DYM: variants seen among roughly 807,000 people sequenced by gnomAD.
DYM encodes dymeclin.
DYM carries 78 observed loss-of-function variants against 93.1 expected under a neutral mutation model. The observed-to-expected ratio is 0.84, with a 90% CI of 0.70 to 1.01. The LOEUF (loss-of-function observed/expected upper bound fraction) is 1.01. Among genes scored for constraint, DYM ranks in the 50% least tolerant of loss-of-function variants. The probability of loss-of-function intolerance (pLI) is 0.00; values close to 1 mark genes in which losing one functional copy is unlikely to be tolerated. For synonymous variants in DYM, 321 were observed against 319.7 expected (o/e 1.00, Z -0.04); for missense variants, 789 against 845.0 (o/e 0.93, Z 0.82).
At chr18:49,314,027 G>T (rs923415622) in intron 8 of DYM, among the ~76,000 whole-genome samples, 1 of 152,270 alleles carries the variant, frequency 6.6e-6, no homozygotes. Flanking sequence ...GGAGGCCAAG[G>T]CATGCAGATC....
chr18:49,237,380 A>G (rs1309303920), intron 13 of DYM, among the ~76,000 whole-genome samples: 2 of 152,102 alleles, frequency 1.3e-5, no homozygotes, highest in African/African-American at 4.8e-5. Flanking sequence ...TTCAACATAG[A>G]TTATATTATG....
intron 13 of DYM, among the ~76,000 whole-genome samples, chr18:49,251,558 C>T (rs1443135109): frequency 6.6e-6 from 1 of 152,126 alleles, no homozygotes; most frequent in African/African-American, 2.4e-5. Context: ...ATGAGATACC[C>T]AGGTGGTGAA....
At chr18:49,134,229 A>G (rs2083631225) in intron 15 of DYM, among the ~76,000 whole-genome samples, 1 of 152,216 alleles carries the variant, frequency 6.6e-6, no homozygotes, top group African/African-American at 2.4e-5. Context: ...AAAAAAACCA[A>G]TTAGCCCCAA....
At chr18:49,178,435 C>T (rs991554859) in intron 14 of DYM, among the ~76,000 whole-genome samples, 3 of 152,094 alleles carry the variant, frequency 2.0e-5, no homozygotes, top group South Asian at 2.1e-4. Context: ...CTTCAAACTC[C>T]TAAAAGTCTG....
intron 2 of DYM, among the ~76,000 whole-genome samples, chr18:49,429,158 T>C (rs2074578482): frequency 1.3e-5 from 2 of 152,216 alleles, no homozygotes; most frequent in African/African-American, 2.4e-5. Flanking sequence ...CCTCCTCACA[T>C]CACATCTGAC....
chr18:49,146,575 T>C (rs2144612076), intron 15 of DYM, among the ~76,000 whole-genome samples: 1 of 152,296 alleles, frequency 6.6e-6, no homozygotes, highest in Non-Finnish European at 1.5e-5. Context: ...AGCCAAATCA[T>C]GAGTGAACTC....
intron 6 of DYM, among the ~76,000 whole-genome samples, chr18:49,344,158 G>A (rs1420209609): frequency 6.6e-6 from 1 of 152,090 alleles, no homozygotes; most frequent in African/African-American, 2.4e-5. Flanking sequence ...CCAAATTTGG[G>A]TTCTACATAT....
chr18:49,195,915 T>TC (rs1568578947), intron 14 of DYM, among the ~76,000 whole-genome samples: 2 of 106,922 alleles, frequency 1.9e-5, no homozygotes, highest in African/African-American at 3.7e-5. Context: ...AATGCTACCA[T>TC]CTTTTTTTTT....
intron 15 of DYM, among the ~76,000 whole-genome samples, chr18:49,140,950 T>C (rs1474721940): frequency 1.3e-5 from 2 of 152,206 alleles, no homozygotes; most frequent in Admixed American, 6.5e-5. Flanking sequence ...AATCCTCATC[T>C]TACCCTCAAT....
intron 10 of DYM, among the ~76,000 whole-genome samples, chr18:49,280,200 A>C (rs2094936440): frequency 6.6e-6 from 1 of 152,246 alleles, no homozygotes; most frequent in Non-Finnish European, 1.5e-5. Flanking sequence ...ATTAGTCATA[A>C]AGGAAATCAA....
At chr18:49,276,303 C>T (rs1796208609) in intron 10 of DYM, among the ~76,000 whole-genome samples, 1 of 151,732 alleles carries the variant, frequency 6.6e-6, no homozygotes, top group Non-Finnish European at 1.5e-5. Context: ...TTGTCAAATG[C>T]TTTTTTCTGT....
intron 8 of DYM, among the ~76,000 whole-genome samples, chr18:49,322,507 T>A (rs545103323): frequency 4.5e-4 from 68 of 151,920 alleles, no homozygotes; most frequent in South Asian, 1.9e-3. Context: ...TGAAAAAAAA[T>A]AAAATAAAAT....
chr18:49,304,547 T>A (rs2061157302), intron 8 of DYM, among the ~76,000 whole-genome samples: 1 of 152,194 alleles, frequency 6.6e-6, no homozygotes, highest in South Asian at 2.1e-4. Context: ...GGGTGTCCCC[T>A]GAGGACAGCT....
intron 13 of DYM, among the ~76,000 whole-genome samples, chr18:49,219,879 T>C (rs1200159726): frequency 6.9e-6 from 1 of 144,380 alleles, no homozygotes; most frequent in Admixed American, 7.1e-5. Context: ...CCACTCCTAT[T>C]CAACATAGTG....
At chr18:49,112,641 T>C (rs2081527473) in intron 16 of DYM, among the ~76,000 whole-genome samples, 2 of 152,168 alleles carry the variant, frequency 1.3e-5, no homozygotes, top group Non-Finnish European at 2.9e-5. Flanking sequence ...TAAGCAGAAG[T>C]CCACTGTAGG....
chr18:49,407,423 A>G (rs748469723), intron 2 of DYM, among the ~76,000 whole-genome samples: 1 of 152,220 alleles, frequency 6.6e-6, no homozygotes, highest in African/African-American at 2.4e-5. Flanking sequence ...ATGGTTCTTC[A>G]AGCTGTATAA....
intron 3 of DYM, among the ~76,000 whole-genome samples, chr18:49,389,532 T>C (rs2068975663): frequency 6.6e-6 from 1 of 152,158 alleles, no homozygotes; most frequent in African/African-American, 2.4e-5. Context: ...AGTCTTGCTG[T>C]ATTGTCCAGA....
chr18:49,377,522 T>G (rs1174639153), intron 5 of DYM, among the ~76,000 whole-genome samples: 2 of 152,022 alleles, frequency 1.3e-5, no homozygotes, highest in African/African-American at 4.8e-5. Context: ...ATCGCACCAC[T>G]GCATTCCAGC....
intron 17 of DYM, among the ~76,000 whole-genome samples, chr18:49,047,788 C>T (rs2071814437): frequency 6.6e-6 from 1 of 152,116 alleles, no homozygotes; most frequent in Admixed American, 6.5e-5. Context: ...TAAGAGGTAC[C>T]AACACGATGA....
Sources: gnomAD v4.1 joint callset for allele counts (sites outside exome capture counted in the v4.1 genomes callset) on GRCh38, gnomAD v4.1.1 for gene constraint, MANE v1.5 for transcripts, NCBI Gene and HGNC (gene_info 2026-07-23, HGNC 2026-07-21) for gene names.